COL23A1: variants seen among roughly 807,000 people sequenced by gnomAD.
COL23A1 encodes the protein collagen alpha-1(XXIII) chain.
Under a neutral mutation model 99.3 loss-of-function variants are expected in COL23A1, and 97 were observed. That is an observed-to-expected ratio of 0.98 (90% confidence interval 0.83 to 1.16). The LOEUF (loss-of-function observed/expected upper bound fraction) is 1.16. COL23A1 is among the 50% of genes most tolerant of loss of function. The probability of loss-of-function intolerance (pLI) is 0.00; values close to 1 mark genes in which losing one functional copy is unlikely to be tolerated. For synonymous variants in COL23A1, 320 were observed against 308.2 expected, an observed-to-expected ratio of 1.04 and a Z score of -0.40; for missense variants, 762 against 757.4, an observed-to-expected ratio of 1.01 and a Z score of -0.07.
At chr5:178,359,516 A>C (rs1350296517) in intron 2 of COL23A1, among the ~76,000 whole-genome samples, 1 of 152,180 alleles carries the variant, frequency 6.6e-6, no homozygotes, top group Non-Finnish European at 1.5e-5. Flanking sequence ...TGACAGAGCG[A>C]AACTCTTGTC....
chr5:178,479,318 G>C (rs1215574839), intron 2 of COL23A1, among the ~76,000 whole-genome samples: 3 of 152,094 alleles, frequency 2.0e-5, no homozygotes, highest in Admixed American at 2.0e-4. Flanking sequence ...CTGAACAGAG[G>C]CTCTCACTCC....
intron 5 of COL23A1, among the ~76,000 whole-genome samples, chr5:178,279,905 C>T (rs1486503963): frequency 6.6e-6 from 1 of 152,206 alleles, no homozygotes; most frequent in Non-Finnish European, 1.5e-5. Flanking sequence ...GGCCACGAGG[C>T]ATAGTGAAGC....
chr5:178,454,419 C>T (rs747656063), intron 2 of COL23A1, among the ~76,000 whole-genome samples: 3 of 152,176 alleles, frequency 2.0e-5, no homozygotes, highest in Non-Finnish European at 2.9e-5. Context: ...AAAAACATGC[C>T]TCCAGGAACA....
At chr5:178,568,755 C>T (rs1448347241) in intron 1 of COL23A1, among the ~76,000 whole-genome samples, 2 of 152,196 alleles carry the variant, frequency 1.3e-5, no homozygotes, top group Admixed American at 6.5e-5. Flanking sequence ...TGCACATTGG[C>T]GTGGATCATT....
chr5:178,242,274 AGCCTCCACTCCCACCT>A, intron 26 of COL23A1, 51 bp downstream of exon 26: 2 of 1,553,674 alleles, frequency 1.3e-6, no homozygotes, highest in Non-Finnish European at 1.8e-6. Context: ...GCTTCACCTG[AGCCTCCACTCCCACCT>A]GCCTCCTTCC....
At position 178,589,907 on chromosome 5, in the gene COL23A1, C is replaced by T; in HGVS notation, c.291G>A (p.Arg97=). The change falls in exon 1 of 29, where the codon CGG becomes CGA. Residue 97 remains arginine (R), a synonymous_variant. Coordinates refer to ENST00000390654, the MANE Select transcript of COL23A1 (RefSeq NM_173465.4). The surrounding 1 kb of genome is among the most constrained non-coding windows in gnomAD (Gnocchi z 5.4). Reference sequence around the variant, plus strand: ...AGCCACGCGCCAAGACGCTCACCTCCCGCAGCAGGCGCTCCAGGTGCGGCT... The same window carrying T: ...AGCCACGCGCCAAGACGCTCACCTCTCGCAGCAGGCGCTCCAGGTGCGGCT... ...WAEPHLERLL[R]EKLDGLAKIR... 2.3e-6 allele frequency: 3 copies of T among 1,314,908 alleles called. No homozygotes were observed. The highest frequency in any genetic ancestry group is 1.5e-5 in the African/African-American group (1 of 64,644). 81.5% of individuals were successfully genotyped at this position (1,314,908 alleles called of 1,614,324 possible).
intron 2 of COL23A1, among the ~76,000 whole-genome samples, chr5:178,447,036 A>G (rs1433888179): frequency 1.3e-5 from 2 of 152,136 alleles, no homozygotes; most frequent in African/African-American, 4.8e-5. Flanking sequence ...ACACGTGATT[A>G]TATCTTCCTT....
intron 2 of COL23A1, among the ~76,000 whole-genome samples, chr5:178,348,550 G>A (rs1397245853): frequency 1.3e-5 from 2 of 152,194 alleles, no homozygotes; most frequent in African/African-American, 4.8e-5. Flanking sequence ...TGGGCCAGCA[G>A]GCATACCCTC....
intron 2 of COL23A1, among the ~76,000 whole-genome samples, chr5:178,358,248 G>GTGTGTATGTATA (rs1581220859): frequency 1.6e-5 from 2 of 125,614 alleles, no homozygotes; most frequent in Admixed American, 7.5e-5. Context: ...GTATGTGTAT[G>GTGTGTATGTATA]TGTGTGTATG....
intron 12 of COL23A1, among the ~76,000 whole-genome samples, chr5:178,258,633 G>C (rs142146876): frequency 0.088 from 13,326 of 151,992 alleles, 607 homozygotes; most frequent in Middle Eastern, 0.11. Flanking sequence ...CTGACCTCGT[G>C]ATCAGCCTGC....
intron 3 of COL23A1, among the ~76,000 whole-genome samples, chr5:178,294,958 A>G (rs1233214503): frequency 2.0e-5 from 3 of 152,256 alleles, no homozygotes; most frequent in Admixed American, 6.5e-5. Context: ...CCTGGCCAAC[A>G]TGGTGAAACC....
chr5:178,562,248 A>G (rs751675200), intron 1 of COL23A1: 24 of 322,860 alleles, frequency 7.4e-5, no homozygotes, highest in South Asian at 5.5e-4. Context: ...TCTCAAAAAA[A>G]GAAAAAAAAA....
intron 12 of COL23A1, among the ~76,000 whole-genome samples, chr5:178,258,595 C>T (rs1395226221): frequency 6.6e-6 from 1 of 151,756 alleles, no homozygotes; most frequent in Admixed American, 6.6e-5. Flanking sequence ...TGGGGTTTCA[C>T]CGCGTTAGCC....
chr5:178,484,170 T>C (rs1415314658), intron 2 of COL23A1, among the ~76,000 whole-genome samples: 3 of 152,108 alleles, frequency 2.0e-5, no homozygotes, highest in Non-Finnish European at 2.9e-5. Context: ...GTGATCCGCC[T>C]ACCTCAGCCT....
chr5:178,371,888 C>G (rs1762819306), intron 2 of COL23A1, among the ~76,000 whole-genome samples: 1 of 152,216 alleles, frequency 6.6e-6, no homozygotes, highest in South Asian at 2.1e-4. Flanking sequence ...CCTTCTGACT[C>G]AGCTTGAACT....
chr5:178,329,990 T>G (rs1178022885), intron 2 of COL23A1, among the ~76,000 whole-genome samples: 1 of 151,296 alleles, frequency 6.6e-6, no homozygotes, highest in African/African-American at 2.4e-5. Context: ...ACCAGTGGCC[T>G]GCTCCCTGGT....
In COL23A1 at chr5:178,542,654, A is replaced by G. The variant is rs116401990; in HGVS notation, c.361+18028T>C. 9.2e-3 allele frequency among the ~76,000 whole-genome samples: 1,393 copies of G among 152,230 alleles called. 10 individuals are homozygous for G. The highest frequency in any genetic ancestry group is 0.014 in the Non-Finnish European group (979 of 68,016). On this transcript the variant is annotated intron_variant, in intron 2 of 28. Transcript: ENST00000390654. ...AGAGGTCCAGGAAGGCAGGGAAGAA[A>G]AAATACCAGAGCTCTAGACAGAAAA...
chr5:178,260,373 T>C (rs1285330662), intron 11 of COL23A1, among the ~76,000 whole-genome samples: 1 of 152,148 alleles, frequency 6.6e-6, no homozygotes. Flanking sequence ...TGTCAAGCCA[T>C]GAAAAGACAT....
chr5:178,377,909 C>G (rs761271761), intron 2 of COL23A1: 4 of 152,378 alleles, frequency 2.6e-5, no homozygotes, highest in Admixed American at 6.5e-5. Context: ...GGGATTTACT[C>G]AAGAGCCACA....
Sources: allele counts gnomAD v4.1 joint callset (sites outside exome capture counted in the v4.1 genomes callset), GRCh38; gene constraint gnomAD v4.1.1; non-coding constraint Gnocchi (gnomAD v3.1); transcripts MANE v1.5; gene names NCBI Gene and HGNC (gene_info 2026-07-23, HGNC 2026-07-21).